Variants in PABPC4L observed in about 807,000 individuals in gnomAD.
PABPC4L encodes polyadenylate-binding protein 4-like.
For missense variants in PABPC4L, 452 were observed against 451.4 expected (o/e 1.00, Z -0.01); for synonymous variants, 169 against 164.1 (o/e 1.03, Z -0.23).
At chr4:134,017,579 A>G in the PABPC4L span, among the ~76,000 whole-genome samples, 8 of 152,122 alleles carry the variant, frequency 5.3e-5, no homozygotes, top group African/African-American at 1.9e-4. Context: ...GTAAATAAAT[A>G]ATCTTTGCTG....
the PABPC4L span, among the ~76,000 whole-genome samples, chr4:134,116,829 C>T: frequency 1.3e-5 from 2 of 151,540 alleles, no homozygotes; most frequent in Non-Finnish European, 2.9e-5. Context: ...TTTATTCATC[C>T]AGTAGTTCCT....
the PABPC4L span, among the ~76,000 whole-genome samples, chr4:134,007,181 A>G: frequency 7.7e-4 from 117 of 151,990 alleles, 3 homozygotes; most frequent in Admixed American, 7.6e-3. Context: ...ACTAAGCATA[A>G]GATATGAGTC....
downstream of PABPC4L, among the ~76,000 whole-genome samples, chr4:134,193,244 A>G (rs1402421060): frequency 1.3e-5 from 2 of 150,296 alleles, no homozygotes; most frequent in African/African-American, 2.5e-5. Context: ...AACTTACTTT[A>G]CTTTTTTTTT....
At chr4:134,053,895 G>A in the PABPC4L span, among the ~76,000 whole-genome samples, 2 of 151,860 alleles carry the variant, frequency 1.3e-5, no homozygotes. Context: ...AAGAGGTCCT[G>A]ATGCTTCTTC....
chr4:134,013,356 C>T, the PABPC4L span, among the ~76,000 whole-genome samples: 430 of 152,038 alleles, frequency 2.8e-3, 4 homozygotes, highest in African/African-American at 9.8e-3. Flanking sequence ...GCAAGAACCC[C>T]CCACCTCTTC....
chr4:134,080,528 C>A, the PABPC4L span, among the ~76,000 whole-genome samples: 16 of 151,994 alleles, frequency 1.1e-4, no homozygotes, highest in Non-Finnish European at 2.1e-4. Context: ...AGAGTTGATT[C>A]TTCAAATTAA....
At chr4:134,017,970 G>A in the PABPC4L span, among the ~76,000 whole-genome samples, 2 of 152,038 alleles carry the variant, frequency 1.3e-5, no homozygotes, top group African/African-American at 4.8e-5. Flanking sequence ...TAAGAAGACA[G>A]GAATGTCAGG....
At chr4:134,181,913 G>A in the PABPC4L span, among the ~76,000 whole-genome samples, 5 of 150,944 alleles carry the variant, frequency 3.3e-5, no homozygotes, top group Admixed American at 3.3e-4. Flanking sequence ...TCATAGATAG[G>A]AAGTATCAAT....
the PABPC4L span, among the ~76,000 whole-genome samples, chr4:134,172,084 C>T: frequency 6.6e-6 from 1 of 151,948 alleles, no homozygotes; most frequent in Non-Finnish European, 1.5e-5. Context: ...GTTATAATGG[C>T]CATATTACCC....
the PABPC4L span, among the ~76,000 whole-genome samples, chr4:134,004,541 A>G: frequency 1.3e-5 from 2 of 151,910 alleles, no homozygotes; most frequent in East Asian, 1.9e-4. Context: ...AAAGTAGTAC[A>G]GCCACTATAG....
the PABPC4L span, among the ~76,000 whole-genome samples, chr4:134,105,739 G>A: frequency 1.3e-5 from 2 of 151,586 alleles, no homozygotes; most frequent in African/African-American, 4.8e-5. Context: ...ATAAAAATAT[G>A]CAATGAATCA....
the PABPC4L span, among the ~76,000 whole-genome samples, chr4:134,038,701 T>C: frequency 6.6e-6 from 1 of 152,102 alleles, no homozygotes; most frequent in Non-Finnish European, 1.5e-5. Context: ...ATCTATTTGA[T>C]TCTTCTCTCT....
the PABPC4L span, among the ~76,000 whole-genome samples, chr4:134,007,980 T>C: frequency 1.3e-5 from 2 of 151,738 alleles, no homozygotes; most frequent in Non-Finnish European, 3.0e-5. Context: ...ATCTAAGATG[T>C]GTAAACTATA....
the PABPC4L span, among the ~76,000 whole-genome samples, chr4:134,078,732 A>C: frequency 9.8e-4 from 147 of 150,300 alleles, 1 homozygote; most frequent in Non-Finnish European, 1.8e-3. Context: ...ACTCACCACA[A>C]CCTCCACCTC....
In PABPC4L at chr4:134,198,072, A is replaced by G. The variant is rs1201345999; in HGVS notation, c.*1835T>C. ...TTATCTAGCAACAAGAAGTTTATCAATAAGAAATTAGTTATATTTTGGTAC... is the reference window on the plus strand; with the variant it reads ...TTATCTAGCAACAAGAAGTTTATCAGTAAGAAATTAGTTATATTTTGGTAC... On this transcript the variant is annotated 3_prime_UTR_variant, in exon 2 of 2. Coordinates refer to ENST00000421491, the MANE Select transcript of PABPC4L (RefSeq NM_001114734.2). 1 of 151,802 alleles carries G rather than the reference A, an allele frequency of 6.6e-6. No individual in the cohort carries two copies. Among genetic ancestry groups the G allele is most frequent in the African/African-American group, 2.4e-5 (1 of 41,440 alleles). The allele number at this position is 151,802 out of a possible 1,614,324, so 9.4% of individuals were successfully genotyped here.
chr4:134,112,808 T>C, the PABPC4L span, among the ~76,000 whole-genome samples: 2 of 151,928 alleles, frequency 1.3e-5, no homozygotes, highest in Non-Finnish European at 2.9e-5. Context: ...TTTGCTATAG[T>C]ATAAATCACA....
At chr4:134,019,631 AGAT>A in the PABPC4L span, among the ~76,000 whole-genome samples, 1 of 152,196 alleles carries the variant, frequency 6.6e-6, no homozygotes, top group African/African-American at 2.4e-5. Flanking sequence ...TAATAATTAA[AGAT>A]GATGTGAAAA....
the PABPC4L span, among the ~76,000 whole-genome samples, chr4:134,099,200 C>T: frequency 5.3e-5 from 8 of 151,626 alleles, no homozygotes; most frequent in African/African-American, 1.7e-4. Flanking sequence ...TGATAATACT[C>T]TCCAATGTTT....
At chr4:134,041,507 C>T in the PABPC4L span, among the ~76,000 whole-genome samples, 1 of 151,922 alleles carries the variant, frequency 6.6e-6, no homozygotes, top group Admixed American at 6.6e-5. Context: ...TGTTCTCACT[C>T]ATAAATGGGA....
Sources: allele counts gnomAD v4.1 joint callset (sites outside exome capture counted in the v4.1 genomes callset), GRCh38; gene constraint gnomAD v4.1.1; transcripts MANE v1.5; gene names NCBI Gene and HGNC (gene_info 2026-07-23, HGNC 2026-07-21).